The following CPA5 variants were observed in gnomAD, a reference collection of about 807,000 sequenced individuals.
CPA5 encodes testicular tissue protein Li 32.
A neutral mutation model predicts 52.2 loss-of-function variants in CPA5; 38 were observed. The ratio of observed to expected loss-of-function variants is 0.73; its 90% CI spans 0.56 to 0.95. CPA5 has a LOEUF of 0.95. Ranked by LOEUF, CPA5 falls within the 40% of genes least tolerant of loss-of-function variation. The probability of loss-of-function intolerance (pLI) is 0.00; values close to 1 mark genes in which losing one functional copy is unlikely to be tolerated. For synonymous variants in CPA5, 198 were observed against 213.7 expected (o/e 0.93, Z 0.64); for missense variants, 519 against 566.7 (o/e 0.92, Z 0.86).
At chr7:130,369,525 T>C (rs976096179), downstream of CPA5, among the ~76,000 whole-genome samples, 1 of 152,148 alleles carries the variant, frequency 6.6e-6, no homozygotes, top group South Asian at 2.1e-4. Flanking sequence ...AGATAACCCC[T>C]AGAAACAGGA....
At chr7:130,366,476 G>C (rs1796093139) in intron 10 of CPA5, among the ~76,000 whole-genome samples, 2 of 152,170 alleles carry the variant, frequency 1.3e-5, no homozygotes, top group Non-Finnish European at 2.9e-5. Context: ...GACAGAGATG[G>C]GGCGAAGGCA....
intron 3 of CPA5, among the ~76,000 whole-genome samples, chr7:130,347,045 A>G (rs1794797961): frequency 6.6e-6 from 1 of 152,062 alleles, no homozygotes; most frequent in African/African-American, 2.4e-5. Flanking sequence ...CCCTCTGTGG[A>G]TGTACTTTGA....
chr7:130,353,070 G>C (rs191848528), intron 5 of CPA5, among the ~76,000 whole-genome samples: 2 of 151,600 alleles, frequency 1.3e-5, no homozygotes, highest in Non-Finnish European at 2.9e-5. Context: ...AATTTCCCTC[G>C]CCCTAGTGGA....
intron 11 of CPA5, 65 bp from the exon 12 acceptor site, chr7:130,367,841 G>A (rs1361164100): frequency 2.1e-5 from 29 of 1,352,808 alleles, no homozygotes; most frequent in Non-Finnish European, 3.1e-5. Context: ...AGCTGGTGAG[G>A]GTGGGGGAGT....
At chr7:130,350,471 G>A (rs1795062672) in intron 5 of CPA5, among the ~76,000 whole-genome samples, 1 of 152,194 alleles carries the variant, frequency 6.6e-6, no homozygotes, top group East Asian at 1.9e-4. Context: ...TTCTTCCTTT[G>A]CTTATCTGAC....
chr7:130,367,568 G>A lies in CPA5; in HGVS notation c.1035G>A (p.Glu345=). The A allele has an allele frequency of 6.2e-7, 1 of 1,613,764 alleles. No individual in the cohort carries two copies. The highest frequency in any genetic ancestry group is 1.7e-5 in the Admixed American group (1 of 60,016). Residue 345 remains glutamate (E), a synonymous_variant, in exon 11 of 13, where the codon GAG becomes GAA. Transcript: ENST00000474905. ...TGGAGCCCGTTTCAAATCAGAGGGA[G>A]TTGGTGAGACTGGCTGCTTAGGGCC... ...RLLEPVSNQR[E]LYDLAKDAVE...
chr7:130,350,594 G>C (rs1329218119), intron 5 of CPA5, among the ~76,000 whole-genome samples: 12 of 152,164 alleles, frequency 7.9e-5, no homozygotes, highest in Non-Finnish European at 1.5e-5. Context: ...GCACTGCTGT[G>C]GTTCACTTCC....
chr7:130,348,211 G>A (rs974272936), intron 4 of CPA5, among the ~76,000 whole-genome samples: 1 of 152,134 alleles, frequency 6.6e-6, no homozygotes, highest in African/African-American at 2.4e-5. Context: ...GGATACATTG[G>A]CCTCCCAAGT....
At chr7:130,348,311 GT>G (rs1423877827) in intron 4 of CPA5, among the ~76,000 whole-genome samples, 1 of 152,162 alleles carries the variant, frequency 6.6e-6, no homozygotes, top group Non-Finnish European at 1.5e-5. Context: ...TCCTCTGCAG[GT>G]TTTCACAATG....
chr7:130,347,028 C>G (rs78312097), intron 3 of CPA5, among the ~76,000 whole-genome samples: 1 of 152,170 alleles, frequency 6.6e-6, no homozygotes, highest in African/African-American at 2.4e-5. Context: ...TAGTATTACA[C>G]GCCAGGCCCT....
At chr7:130,360,559 A>G (rs1554406339) in intron 6 of CPA5, among the ~76,000 whole-genome samples, 1 of 152,242 alleles carries the variant, frequency 6.6e-6, no homozygotes, top group African/African-American at 2.4e-5. Context: ...TATTATCATC[A>G]TCGCTTTTCC....
downstream of CPA5, among the ~76,000 whole-genome samples, chr7:130,371,555 C>T (rs1796294424): frequency 6.6e-6 from 1 of 152,086 alleles, no homozygotes; most frequent in Admixed American, 6.5e-5. Context: ...GCTGAAACTG[C>T]TGTCCAGATG....
At position 130,367,902 on chromosome 7, in the gene CPA5, G is replaced by T; in HGVS notation, c.1039-4G>T. On this transcript the variant is annotated splice_region_variant and splice_polypyrimidine_tract_variant and intron_variant, in intron 11 of 12. Transcript: ENST00000474905. ...CCTTTCACCCCGCCAATGTCATCTTGCAGTACGATCTTGCCAAGGATGCGG... is the reference window on the plus strand; with the variant it reads ...CCTTTCACCCCGCCAATGTCATCTTTCAGTACGATCTTGCCAAGGATGCGG... 1 of 1,614,068 alleles carries T rather than the reference G, an allele frequency of 6.2e-7. No individual in the cohort carries two copies. Among genetic ancestry groups the T allele is most frequent in the Admixed American group, 1.7e-5 (1 of 60,034 alleles).
intron 5 of CPA5, among the ~76,000 whole-genome samples, chr7:130,357,215 G>A (rs782216261): frequency 7.2e-5 from 11 of 152,098 alleles, no homozygotes; most frequent in Non-Finnish European, 1.3e-4. Context: ...GAACCTGAAC[G>A]TTGTAAGCAA....
At chr7:130,350,670 C>T (rs1470809367) in intron 5 of CPA5, among the ~76,000 whole-genome samples, 2 of 152,220 alleles carry the variant, frequency 1.3e-5, no homozygotes, top group African/African-American at 4.8e-5. Flanking sequence ...CCAGAGGAAC[C>T]GCTTTGGGAG....
chr7:130,367,302 G>A (rs1796144866), intron 10 of CPA5, 70 bp from the exon 11 acceptor site: 5 of 1,351,950 alleles, frequency 3.7e-6, no homozygotes, highest in Non-Finnish European at 5.2e-6. Flanking sequence ...GAACACACAG[G>A]TATTTTGTGA....
At position 130,359,594 on chromosome 7, in the gene CPA5, G is replaced by A. The variant is rs1795679240; in HGVS notation, c.339G>A (p.Leu113=). Residue 113 remains leucine, a synonymous_variant, in exon 6 of 13, where the codon CTG becomes CTA. Transcript: ENST00000474905. The stretch of plus-strand genomic sequence containing the variant: ...ATGTGTTCCCCATCACCCAGGTGCT[G>A]CTGGATGAGGAAAGACAGGCCATGG... ...YSIMIKDIQV[L]LDEERQAMAK... 9 of 1,561,280 alleles carry A rather than the reference G, an allele frequency of 5.8e-6. No homozygotes were observed. Among genetic ancestry groups the A allele is most frequent in the Non-Finnish European group, 6.9e-6 (8 of 1,151,814 alleles).
chr7:130,349,056 C>T (rs1434064077), intron 4 of CPA5, among the ~76,000 whole-genome samples: 2 of 152,156 alleles, frequency 1.3e-5, no homozygotes, highest in Non-Finnish European at 2.9e-5. Flanking sequence ...GGCCCCAAAG[C>T]GCAAGAGTAG....
rs11765961 is a variant in CPA5, at chr7:130,368,418, A to G, written c.1132A>G (p.Ser378Gly). 0.013 allele frequency: 20,437 copies of G among 1,613,752 alleles called. 1,132 individuals are homozygous for G. In the African/African-American group the frequency reaches 0.16, roughly 13 times the overall value. Residue 378 changes from serine to glycine, a missense_variant, in exon 13 of 13, where the codon AGT (serine) becomes GGT (glycine). Ser to Gly is a moderately conservative substitution (Grantham distance 56). Transcript: ENST00000474905. ...GSISTTLYVA[S>G]GITVDWAYDS... The stretch of plus-strand genomic sequence containing the variant: ...GGAACTTTTGTTTCTAGATGTGGCC[A>G]GTGGGATCACCGTCGACTGGGCCTA...
Sources: gnomAD v4.1 joint callset for allele counts (sites outside exome capture counted in the v4.1 genomes callset) on GRCh38, gnomAD v4.1.1 for gene constraint, MANE v1.5 for transcripts, NCBI Gene and HGNC (gene_info 2026-07-23, HGNC 2026-07-21) for gene names.